The following NUDT16 variants were observed in gnomAD, a reference collection of about 807,000 sequenced individuals.
NUDT16 encodes U8 snoRNA-decapping enzyme.
A neutral mutation model predicts 11.7 loss-of-function variants in NUDT16; 12 were observed. The ratio of observed to expected loss-of-function variants is 1.03; its 90% CI spans 0.66 to 1.67. The LOEUF is 1.67. NUDT16 is among the 40% of genes most tolerant of loss of function. NUDT16 has a pLI of 0.00. For missense variants in NUDT16, 303 were observed against 268.9 expected, an observed-to-expected ratio of 1.13 and a Z score of -0.89; for synonymous variants, 129 against 122.6, an observed-to-expected ratio of 1.05 and a Z score of -0.35.
In NUDT16 at chr3:131,386,566, GTACAGGATGCTA is replaced by G. The variant is rs1266675542; in HGVS notation, c.*3227_*3238del. On this transcript the variant is annotated 3_prime_UTR_variant, in exon 3 of 3. Coordinates refer to ENST00000521288, the MANE Select transcript of NUDT16 (RefSeq NM_152395.3). Reference sequence around the variant, plus strand: ...CAGAGATGCATTGAGCGGTATGAAAGTACAGGATGCTATGTACTTTCCTGCTTCACAGCACAT... The same window carrying G: ...CAGAGATGCATTGAGCGGTATGAAAGTGTACTTTCCTGCTTCACAGCACAT... The G allele has an allele frequency of 4.6e-5, 7 of 152,352 alleles. No homozygotes were observed. The East Asian group carries it at 1.4e-3, about 29-fold the overall frequency. 9.4% of individuals were successfully genotyped at this position (152,352 alleles called of 1,614,324 possible).
chr3:131,383,551 C>G lies in NUDT16; in HGVS notation c.*210C>G. Reference sequence around the variant, plus strand: ...AAAAGTCACAGCTTATCCCAGGCACCCTGGCAGGTTCTCAGAGCCTGCCTC... The same window carrying G: ...AAAAGTCACAGCTTATCCCAGGCACGCTGGCAGGTTCTCAGAGCCTGCCTC... On this transcript the variant is annotated 3_prime_UTR_variant, in exon 3 of 3. Transcript: ENST00000521288. The surrounding 1 kb of genome is among the most constrained non-coding windows in gnomAD (Gnocchi z 4.4). 8.5e-7 allele frequency: 1 copy of G among 1,176,398 alleles called. No individual in the cohort carries two copies. The allele number at this position is 1,176,398 out of a possible 1,614,324, so 72.9% of individuals were successfully genotyped here.
In NUDT16 at chr3:131,383,544, C is replaced by A; in HGVS notation, c.*203C>A. 8.0e-7 allele frequency: 1 copy of A among 1,254,966 alleles called. No individual in the cohort carries two copies. Among genetic ancestry groups the A allele is most frequent in the Non-Finnish European group, 1.1e-6 (1 of 923,634 alleles). 77.7% of individuals were successfully genotyped at this position (1,254,966 alleles called of 1,614,324 possible). On this transcript the variant is annotated 3_prime_UTR_variant, in exon 3 of 3. Coordinates refer to ENST00000521288, the MANE Select transcript of NUDT16 (RefSeq NM_152395.3). The surrounding 1 kb of genome is among the most constrained non-coding windows in gnomAD (Gnocchi z 4.4). Reference sequence around the variant, plus strand: ...AGGGGCAAAAAGTCACAGCTTATCCCAGGCACCCTGGCAGGTTCTCAGAGC... The same window carrying A: ...AGGGGCAAAAAGTCACAGCTTATCCAAGGCACCCTGGCAGGTTCTCAGAGC...
intron 2 of NUDT16, chr3:131,382,877 C>G (rs911495464): frequency 1.6e-6 from 1 of 619,932 alleles, no homozygotes; most frequent in African/African-American, 1.9e-5. Context: ...ATCTGAGGAC[C>G]ACATTTTGAC....
rs773436833 is a variant in NUDT16 at position 131,381,828 on chromosome 3, G to A, written c.24G>A (p.Glu8=). 1 of 1,578,240 alleles carries A rather than the reference G, an allele frequency of 6.3e-7. No individual in the cohort carries two copies. The highest frequency in any genetic ancestry group is 8.6e-7 in the Non-Finnish European group (1 of 1,168,750). MAGARRL[E]LGEALALGSG... The stretch of plus-strand genomic sequence containing the variant: ...CCATGGCCGGAGCCCGCAGGCTGGA[G>A]CTAGGCGAGGCCCTGGCGCTGGGGT... The change falls in exon 1 of 3, where the codon GAG becomes GAA. Residue 8 remains glutamate (E), a synonymous_variant. Coordinates refer to ENST00000521288, the MANE Select transcript of NUDT16 (RefSeq NM_152395.3).
In NUDT16 at chr3:131,383,301, C is replaced by G; in HGVS notation, c.548C>G (p.Ser183Cys). 6.2e-7 allele frequency: 1 copy of G among 1,614,168 alleles called. No individual in the cohort carries two copies. Among genetic ancestry groups the G allele is most frequent in the Admixed American group, 1.7e-5 (1 of 60,016 alleles). The change falls in exon 3 of 3, where the codon TCT becomes TGT. Residue 183 changes from serine (S) to cysteine (C), a missense_variant. By Grantham distance (112) the Ser-to-Cys change is moderately radical. Coordinates refer to ENST00000521288, the MANE Select transcript of NUDT16 (RefSeq NM_152395.3). The surrounding 1 kb of genome is among the most constrained non-coding windows in gnomAD (Gnocchi z 4.4). ...CTCCAGGACTTGGGACTGCTGCAGT[C>G]TGGCTCTATTTCAGGCCTTAAGATT... ...EALQDLGLLQSGSISGLKIPA... is the reference protein window; with the variant it reads ...EALQDLGLLQCGSISGLKIPA...
chr3:131,386,379 A>G lies in NUDT16; in HGVS notation c.*3038A>G, dbSNP rs935461599. 3 of 152,178 alleles carry G rather than the reference A, an allele frequency of 2.0e-5. No homozygotes were observed. The highest frequency in any genetic ancestry group is 7.2e-5 in the African/African-American group (3 of 41,432). The allele number at this position is 152,178 out of a possible 1,614,324, so 9.4% of individuals were successfully genotyped here. ...GCTTTCCTTGGCCTTGTTAAGTCCA[A>G]TCATCTGGGGCAGGAAGAAGAGAAA... On this transcript the variant is annotated 3_prime_UTR_variant, in exon 3 of 3. Transcript: ENST00000521288.
Position 131,383,307 on chromosome 3 carries a change from C to T in NUDT16, c.554C>T (p.Ser185Phe). Residue 185 changes from serine (S) to phenylalanine (F), a missense_variant, in exon 3 of 3, where the codon TCT (serine) becomes TTT (phenylalanine). Coordinates refer to ENST00000521288, the MANE Select transcript of NUDT16 (RefSeq NM_152395.3). The surrounding 1 kb of genome is among the most constrained non-coding windows in gnomAD (Gnocchi z 4.4). ...GACTTGGGACTGCTGCAGTCTGGCT[C>T]TATTTCAGGCCTTAAGATTCCAGCT... ...LQDLGLLQSG[S>F]ISGLKIPAHH 5 of 1,614,128 alleles carry T rather than the reference C, an allele frequency of 3.1e-6. No homozygotes were observed. Among genetic ancestry groups the T allele is most frequent in the South Asian group, 1.1e-5 (1 of 91,082 alleles).
At position 131,383,371 on chromosome 3, in the gene NUDT16, G is replaced by A; in HGVS notation, c.*30G>A. ...AGCCCTCCATGGACCCATGAAAACTGAGATGAGGACCTTGGTACTAGGGAG... is the reference window on the plus strand; with the variant it reads ...AGCCCTCCATGGACCCATGAAAACTAAGATGAGGACCTTGGTACTAGGGAG... On this transcript the variant is annotated 3_prime_UTR_variant, in exon 3 of 3. Transcript: ENST00000521288. This position sits in a 1 kb window ranked among gnomAD's most constrained non-coding sequence, Gnocchi z 4.4. 1 of 1,613,288 alleles carries A rather than the reference G, an allele frequency of 6.2e-7. No homozygotes were observed. Among genetic ancestry groups the A allele is most frequent in the Non-Finnish European group, 8.5e-7 (1 of 1,179,800 alleles).
In NUDT16 at chr3:131,383,265, T is replaced by TAG. The variant is rs1315765918; in HGVS notation, c.513_514insGA (p.Leu172AspfsTer36). On this transcript the variant is annotated frameshift_variant, in exon 3 of 3. Coordinates refer to ENST00000521288, the MANE Select transcript of NUDT16 (RefSeq NM_152395.3). LOFTEE classifies it low-confidence loss of function (END_TRUNC). The surrounding 1 kb of genome is among the most constrained non-coding windows in gnomAD (Gnocchi z 4.4). ...TTTATTGGCTCTGCGCGGGAGCAGT[T>TAG]ACTTGAAGCTCTCCAGGACTTGGGA... is the stretch of plus-strand genomic sequence containing the variant. 1.2e-6 allele frequency: 2 copies of TAG among 1,614,152 alleles called. No homozygotes were observed. The highest frequency in any genetic ancestry group is 3.3e-5 in the Admixed American group (2 of 60,026).
rs2097458154 is a variant in NUDT16 at position 131,384,393 on chromosome 3, T to A, written c.*1052T>A. ...GGGCGGTATGGAAGGCAGGCTGTAC[T>A]GGTTGAGTGAATGGAAAGTTGGGGA... On this transcript the variant is annotated 3_prime_UTR_variant, in exon 3 of 3. Transcript: ENST00000521288. The A allele has an allele frequency of 1.3e-5, 2 of 152,340 alleles. No homozygotes were observed. The highest frequency in any genetic ancestry group is 1.5e-5 in the Non-Finnish European group (1 of 68,138). The allele number at this position is 152,340 out of a possible 1,614,324, so 9.4% of individuals were successfully genotyped here.
In NUDT16 at chr3:131,387,644, C is replaced by T. The variant is rs1207630062; in HGVS notation, c.*4303C>T. ...CTTTCCACTCAGGATAACAACCCCT[C>T]GATGGGGTTTTCAACAAGTATAGAA... On this transcript the variant is annotated 3_prime_UTR_variant, in exon 3 of 3. Coordinates refer to ENST00000521288, the MANE Select transcript of NUDT16 (RefSeq NM_152395.3). 2 of 152,348 alleles carry T rather than the reference C, an allele frequency of 1.3e-5. No individual in the cohort carries two copies. Among genetic ancestry groups the T allele is most frequent in the African/African-American group, 2.4e-5 (1 of 41,446 alleles). The allele number at this position is 152,348 out of a possible 1,614,324, so 9.4% of individuals were successfully genotyped here. A position where few individuals can be genotyped will look rare whatever the true frequency, so the allele number is the denominator to read the frequency against.
At position 131,381,933 on chromosome 3, in the gene NUDT16, C is replaced by T. The variant is rs755534807; in HGVS notation, c.129C>T (p.Tyr43=). ...TCTTCGGCCGCATCCCGCTGCGCTACGCCATACTGGTGAGAAGGGGGCGCG... is the reference window on the plus strand; with the variant it reads ...TCTTCGGCCGCATCCCGCTGCGCTATGCCATACTGGTGAGAAGGGGGCGCG... ...GMLFGRIPLR[Y]AILMQMRFDG... The change falls in exon 1 of 3, where the codon TAC becomes TAT. Residue 43 remains tyrosine, a synonymous_variant. Coordinates refer to ENST00000521288, the MANE Select transcript of NUDT16 (RefSeq NM_152395.3). 3.7e-6 allele frequency: 6 copies of T among 1,611,866 alleles called. No individual in the cohort carries two copies. The South Asian group carries it at 6.6e-5, about 18-fold the overall frequency.
chr3:131,387,107 A>G lies in NUDT16; in HGVS notation c.*3766A>G, dbSNP rs371625539. On this transcript the variant is annotated 3_prime_UTR_variant, in exon 3 of 3. Coordinates refer to ENST00000521288, the MANE Select transcript of NUDT16 (RefSeq NM_152395.3). The stretch of plus-strand genomic sequence containing the variant: ...GGACCTTGGCACTTATCAGAGAAGT[A>G]TAGAAGAGCCAGGTAGGGGATTTTA... The G allele has an allele frequency of 2.1e-4, 32 of 152,386 alleles. No homozygotes were observed. Among genetic ancestry groups the G allele is most frequent in the African/African-American group, 7.7e-4 (32 of 41,598 alleles). The allele number at this position is 152,386 out of a possible 1,614,324, so 9.4% of individuals were successfully genotyped here. A position where few individuals can be genotyped will look rare whatever the true frequency, so the allele number is the denominator to read the frequency against.
rs764139340 is a variant in NUDT16, at chr3:131,388,234, A to C, written c.*4893A>C. 6.6e-6 allele frequency: 1 copy of C among 152,242 alleles called. No individual in the cohort carries two copies. Among genetic ancestry groups the C allele is most frequent in the Non-Finnish European group, 1.5e-5 (1 of 68,052 alleles). 9.4% of individuals were successfully genotyped at this position (152,242 alleles called of 1,614,324 possible). A position where few individuals can be genotyped will look rare whatever the true frequency, so the allele number is the denominator to read the frequency against. On this transcript the variant is annotated 3_prime_UTR_variant, in exon 3 of 3. Coordinates refer to ENST00000521288, the MANE Select transcript of NUDT16 (RefSeq NM_152395.3). ...AGAACCCAGAGAAAAAGTGCAAAAC[A>C]AGGAAAATGGCCAAAGAGAATATCA... is the stretch of plus-strand genomic sequence containing the variant.
At position 131,382,493 on chromosome 3, in the gene NUDT16, T is replaced by C. The variant is rs749095715; in HGVS notation, c.408+178T>C. The C allele has an allele frequency of 3.8e-4, 587 of 1,536,158 alleles. 3 individuals are homozygous for C. The highest frequency in any genetic ancestry group is 7.8e-5 in the Admixed American group (4 of 50,994). On this transcript the variant is annotated intron_variant, in intron 2 of 2. Transcript: ENST00000521288. ...ATACTCTGAATTAGTACTGCCAACC[T>C]GGGCTTTCTGTAAAGGTCTTTCCCA...
At chr3:131,382,585 AGT>A (rs2097456623) in intron 2 of NUDT16, 1 of 1,522,544 alleles carries the variant, frequency 6.6e-7, no homozygotes, top group East Asian at 2.4e-5. Context: ...CCCTATTGAC[AGT>A]GTGATAGATT....
chr3:131,383,639 A>G lies in NUDT16; in HGVS notation c.*298A>G. On this transcript the variant is annotated 3_prime_UTR_variant, in exon 3 of 3. Transcript: ENST00000521288. The surrounding 1 kb of genome is among the most constrained non-coding windows in gnomAD (Gnocchi z 4.4). The stretch of plus-strand genomic sequence containing the variant: ...GCATGCAAATATACAATCTGTAACA[A>G]CACACAGCCTGACACCTTCCCCTGG... 5.0e-6 allele frequency: 3 copies of G among 594,230 alleles called. No homozygotes were observed. Among genetic ancestry groups the G allele is most frequent in the Non-Finnish European group, 8.9e-6 (3 of 336,116 alleles). 36.8% of individuals were successfully genotyped at this position (594,230 alleles called of 1,614,324 possible). A position where few individuals can be genotyped will look rare whatever the true frequency, so the allele number is the denominator to read the frequency against.
In NUDT16 at chr3:131,383,214, G is replaced by T. The variant is rs1490220187; in HGVS notation, c.461G>T (p.Gly154Val). The T allele has an allele frequency of 1.2e-6, 2 of 1,613,724 alleles. No homozygotes were observed. Among genetic ancestry groups the T allele is most frequent in the Non-Finnish European group, 1.7e-6 (2 of 1,180,038 alleles). ...PLYTLRDGVG[G>V]LPTFLENSFI... is the part of the protein sequence containing the mutation. ...TATACCCTGCGGGATGGTGTAGGAG[G>T]CCTGCCTACCTTCCTGGAGAATTCC... Residue 154 changes from glycine to valine, a missense_variant, in exon 3 of 3, where the codon GGC (glycine) becomes GTC (valine). Transcript: ENST00000521288. This position sits in a 1 kb window ranked among gnomAD's most constrained non-coding sequence, Gnocchi z 4.4.
In NUDT16 at chr3:131,386,578, A is replaced by G. The variant is rs1443221298; in HGVS notation, c.*3237A>G. 2 of 152,216 alleles carry G rather than the reference A, an allele frequency of 1.3e-5. No homozygotes were observed. The highest frequency in any genetic ancestry group is 2.9e-5 in the Non-Finnish European group (2 of 68,050). The allele number at this position is 152,216 out of a possible 1,614,324, so 9.4% of individuals were successfully genotyped here. ...GAGCGGTATGAAAGTACAGGATGCT[A>G]TGTACTTTCCTGCTTCACAGCACAT... On this transcript the variant is annotated 3_prime_UTR_variant, in exon 3 of 3. Transcript: ENST00000521288.
Sources: gnomAD v4.1 joint callset for allele counts on GRCh38, gnomAD v4.1.1 for gene constraint, Gnocchi (gnomAD v3.1) non-coding constraint, MANE v1.5 for transcripts, NCBI Gene and HGNC (gene_info 2026-07-23, HGNC 2026-07-21) for gene names.